TASP1: variants seen among roughly 807,000 people sequenced by gnomAD.
TASP1 encodes taspase 1, also known as threonine aspartase 1.
A neutral mutation model predicts 56.6 loss-of-function variants in TASP1; 16 were observed. That is an observed-to-expected ratio of 0.28 (90% CI 0.19 to 0.43). TASP1 has a LOEUF of 0.43. TASP1 is among the 20% of genes least tolerant of loss of function. The pLI is 1.00. For missense variants in TASP1, 393 were observed against 511.6 expected, an observed-to-expected ratio of 0.77 and a Z score of 2.24; for synonymous variants, 179 against 184.2, an observed-to-expected ratio of 0.97 and a Z score of 0.23.
chr20:13,195,837 G>A, the TASP1 span, among the ~76,000 whole-genome samples: 2 of 152,086 alleles, frequency 1.3e-5, no homozygotes, highest in Non-Finnish European at 2.9e-5. Flanking sequence ...AGTTCTTTCT[G>A]TGTGTTTTCA....
intron 4 of TASP1, among the ~76,000 whole-genome samples, chr20:13,594,386 G>C (rs2047650840): frequency 6.6e-6 from 1 of 152,350 alleles, no homozygotes; most frequent in Middle Eastern, 3.4e-3. Context: ...TTGAGGAGAT[G>C]ACAGAAGTAG....
At chr20:13,453,189 A>G (rs1375838818) in intron 11 of TASP1, among the ~76,000 whole-genome samples, 2 of 152,114 alleles carry the variant, frequency 1.3e-5, no homozygotes, top group Non-Finnish European at 2.9e-5. Context: ...TAAAATGGAA[A>G]CATCAGAGAG....
chr20:13,521,740 T>C (rs1278357421), intron 10 of TASP1, among the ~76,000 whole-genome samples: 1 of 151,562 alleles, frequency 6.6e-6, no homozygotes, highest in South Asian at 2.1e-4. Flanking sequence ...ATGTAACTAA[T>C]CTGCACGTTG....
chr20:13,286,225 G>A, the TASP1 span, among the ~76,000 whole-genome samples: 1 of 152,032 alleles, frequency 6.6e-6, no homozygotes, highest in East Asian at 1.9e-4. Flanking sequence ...GCTGCACCTG[G>A]ATGCTTCTCT....
the TASP1 span, among the ~76,000 whole-genome samples, chr20:13,326,927 G>A: frequency 1.7e-3 from 265 of 152,190 alleles, 2 homozygotes; most frequent in African/African-American, 5.9e-3. Context: ...CTCTCTCACC[G>A]CTCCTATTTA....
chr20:13,433,606 G>A (rs1225516856), intron 12 of TASP1, among the ~76,000 whole-genome samples: 2 of 150,732 alleles, frequency 1.3e-5, no homozygotes, highest in African/African-American at 4.9e-5. Context: ...GTTTTTCTCT[G>A]AGGAATGAAC....
At chr20:13,328,988 A>T in the TASP1 span, among the ~76,000 whole-genome samples, 2 of 152,212 alleles carry the variant, frequency 1.3e-5, no homozygotes, top group African/African-American at 4.8e-5. Flanking sequence ...TTAAAAAATT[A>T]AATAAAACCT....
intron 7 of TASP1, among the ~76,000 whole-genome samples, chr20:13,567,302 G>GA (rs2046566306): frequency 6.6e-6 from 1 of 152,030 alleles, no homozygotes; most frequent in Non-Finnish European, 1.5e-5. Context: ...AAAGGATCAG[G>GA]AAAAATAACT....
chr20:13,630,971 A>C (rs1311129285), intron 1 of TASP1, among the ~76,000 whole-genome samples: 1 of 152,006 alleles, frequency 6.6e-6, no homozygotes, highest in Non-Finnish European at 1.5e-5. Flanking sequence ...ATCAAGCAAA[A>C]ATTTGAGCTT....
chr20:13,110,208 G>T, the TASP1 span: 2 of 1,613,438 alleles, frequency 1.2e-6, no homozygotes, highest in Non-Finnish European at 1.7e-6. Flanking sequence ...CTGGTGGAGG[G>T]TGTCTACAGG....
At chr20:13,427,912 T>TA (rs1222304342) in intron 12 of TASP1, among the ~76,000 whole-genome samples, 2 of 152,190 alleles carry the variant, frequency 1.3e-5, no homozygotes, top group African/African-American at 4.8e-5. Context: ...AATCTGAAGT[T>TA]ATTCTCTGCA....
the TASP1 span, among the ~76,000 whole-genome samples, chr20:13,179,406 CGTGTGTGT>C: frequency 1.2e-4 from 17 of 143,400 alleles, no homozygotes; most frequent in Non-Finnish European, 2.1e-4. Context: ...GAATTATGTG[CGTGTGTGT>C]GTGTGTGTGT....
chr20:13,147,967 GCTCACAAA>G, the TASP1 span, among the ~76,000 whole-genome samples: 1 of 152,178 alleles, frequency 6.6e-6, no homozygotes, highest in South Asian at 2.1e-4. Context: ...AATGGTATTG[GCTCACAAA>G]CTCACAAACT....
At chr20:13,516,086 T>A (rs895055601) in intron 10 of TASP1, among the ~76,000 whole-genome samples, 1 of 152,146 alleles carries the variant, frequency 6.6e-6, no homozygotes, top group East Asian at 1.9e-4. Context: ...ATATATTTTT[T>A]AAAATAAATC....
chr20:13,134,875 A>G, the TASP1 span, among the ~76,000 whole-genome samples: 1 of 152,222 alleles, frequency 6.6e-6, no homozygotes, highest in Non-Finnish European at 1.5e-5. Flanking sequence ...TGTTTAAACC[A>G]AAACATCAAC....
the TASP1 span, among the ~76,000 whole-genome samples, chr20:13,106,187 A>C: frequency 6.6e-6 from 1 of 152,192 alleles, no homozygotes; most frequent in Non-Finnish European, 1.5e-5. Flanking sequence ...AATAATTCTT[A>C]TTTCTATCCA....
Position 13,390,382 on chromosome 20 carries a change from C to T in TASP1, c.1241G>A (p.Arg414His), listed in dbSNP as rs759368179. The T allele has an allele frequency of 8.1e-6, 13 of 1,613,986 alleles. No homozygotes were observed. The highest frequency in any genetic ancestry group is 4.5e-5 in the East Asian group (2 of 44,862). Residue 414 changes from arginine to histidine, a missense_variant, in exon 14 of 14, where the codon CGC becomes CAC. By Grantham distance (29) the Arg-to-His change is conservative (BLOSUM62 0). Around this residue, in one of 3 missense-constraint regions of TASP1, gnomAD observed 293 missense variants for 354.2 expected, o/e 0.83. Transcript: ENST00000337743. ...GGGTCAGTTCACTGGGCTCTCCAGG[C>T]GGCACACCCCACCTTCGATTGCCAC... ...QSVAIEGGVC[R>H]LESPVN
chr20:13,313,710 A>C, the TASP1 span, among the ~76,000 whole-genome samples: 2 of 152,208 alleles, frequency 1.3e-5, no homozygotes, highest in Admixed American at 6.5e-5. Flanking sequence ...CCAATATATC[A>C]TGTCCAGCTA....
At chr20:13,513,753 A>G (rs1459759487) in intron 10 of TASP1, among the ~76,000 whole-genome samples, 1 of 152,092 alleles carries the variant, frequency 6.6e-6, no homozygotes, top group Non-Finnish European at 1.5e-5. Flanking sequence ...TGGCACAGGC[A>G]GGGTTTAACT....
Sources: gnomAD v4.1 joint callset for allele counts (sites outside exome capture counted in the v4.1 genomes callset) on GRCh38, gnomAD v4.1.1 for gene constraint, gnomAD v4.1.1 regional missense constraint, MANE v1.5 for transcripts, NCBI Gene and HGNC (gene_info 2026-07-23, HGNC 2026-07-21) for gene names.